Variants in NME9 observed in about 807,000 individuals in gnomAD.
NME9 encodes the protein thioredoxin domain-containing protein 6.
In NME9, 48 loss-of-function variants were observed where a neutral mutation model predicts 44.4. That is an observed-to-expected ratio of 1.08 (90% CI 0.86 to 1.37). The LOEUF is 1.37. Among genes scored for constraint, NME9 ranks in the 40% most tolerant of loss-of-function variants. NME9 has a pLI of 0.00. For synonymous variants in NME9, 139 were observed against 147.1 expected, an observed-to-expected ratio of 0.94 and a Z score of 0.40; for missense variants, 325 against 405.2, an observed-to-expected ratio of 0.80 and a Z score of 1.70.
intron 3 of NME9, among the ~76,000 whole-genome samples, chr3:138,318,487 T>C (rs1577186986): frequency 6.6e-6 from 1 of 151,912 alleles, no homozygotes; most frequent in Admixed American, 6.5e-5. Context: ...TACTGGCTAA[T>C]GTCCTTCTGC....
intron 8 of NME9, among the ~76,000 whole-genome samples, chr3:138,266,777 G>T (rs1483452292): frequency 1.3e-5 from 2 of 152,148 alleles, no homozygotes; most frequent in African/African-American, 2.4e-5. Flanking sequence ...AGAAAGTCAG[G>T]CTGTAGGACC....
chr3:138,329,130 C>T (rs1035616374), intron 1 of NME9, among the ~76,000 whole-genome samples, 173 bp downstream of exon 1: 9 of 152,186 alleles, frequency 5.9e-5, no homozygotes, highest in African/African-American at 2.2e-4. Context: ...CACTGGGGTT[C>T]CAAGATAAGT....
In NME9 at chr3:138,304,855, C is replaced by T; in HGVS notation, c.791+18G>A. ...CAGGTTTTAAGATGGATGAAAGGAC[C>T]ACAGCTGGTGACATCACCTTTCTGG... On this transcript the variant is annotated intron_variant, in intron 9 of 10. Transcript: ENST00000333911. The T allele has an allele frequency of 6.2e-7, 1 of 1,611,280 alleles. No individual in the cohort carries two copies. The highest frequency in any genetic ancestry group is 8.5e-7 in the Non-Finnish European group (1 of 1,178,446).
At chr3:138,311,495 A>G (rs979357789) in intron 6 of NME9, among the ~76,000 whole-genome samples, 9 of 152,222 alleles carry the variant, frequency 5.9e-5, no homozygotes, top group Non-Finnish European at 1.2e-4. Context: ...AGTCCTAAAC[A>G]AAATACTAAC....
chr3:138,282,635 CAAAAAAAA>C (rs760470914), intron 8 of NME9, among the ~76,000 whole-genome samples: 1 of 47,512 alleles, frequency 2.1e-5, no homozygotes, highest in African/African-American at 7.0e-5. Flanking sequence ...GACTCCATCT[CAAAAAAAA>C]AAAAAAAAAA....
intron 1 of NME9, among the ~76,000 whole-genome samples, 197 bp downstream of exon 1, chr3:138,329,106 G>C (rs548317163): frequency 5.3e-5 from 8 of 152,282 alleles, no homozygotes; most frequent in African/African-American, 1.7e-4. Flanking sequence ...TTTTGTTTGC[G>C]TAAAATTTGT....
chr3:138,316,577 A>G (rs903546464), intron 4 of NME9, among the ~76,000 whole-genome samples: 1 of 152,124 alleles, frequency 6.6e-6, no homozygotes, highest in Non-Finnish European at 1.5e-5. Flanking sequence ...GATGAACCTG[A>G]GTTTCTGCTT....
rs192764680 is a variant in NME9 at position 138,312,617 on chromosome 3, A to G, written c.460+1715T>C. On this transcript the variant is annotated intron_variant, in intron 6 of 10. Coordinates refer to ENST00000333911, the MANE Select transcript of NME9 (RefSeq NM_001349018.2). ...ACAAATACAAAATCAAAATAGATTA[A>G]AGGCATAATTCTAAGACCTGATACT... Among the ~76,000 whole-genome samples, 109 of 152,364 alleles carry G rather than the reference A, an allele frequency of 7.2e-4. 1 individual carries two copies. The highest frequency in any genetic ancestry group is 2.7e-3 in the Admixed American group (42 of 15,308).
At chr3:138,277,216 C>CA (rs920254104) in intron 8 of NME9, among the ~76,000 whole-genome samples, 1 of 151,370 alleles carries the variant, frequency 6.6e-6, no homozygotes. Context: ...GTACAAGTGC[C>CA]AAAAAAAATT....
intron 9 of NME9, among the ~76,000 whole-genome samples, chr3:138,304,277 G>A (rs1015883794): frequency 2.6e-5 from 4 of 152,208 alleles, no homozygotes; most frequent in Non-Finnish European, 5.9e-5. Flanking sequence ...TACAACTGCA[G>A]TTCCTTGGCT....
intron 8 of NME9, among the ~76,000 whole-genome samples, chr3:138,270,432 T>C (rs995909126): frequency 2.0e-5 from 3 of 152,232 alleles, no homozygotes; most frequent in African/African-American, 7.2e-5. Context: ...TATTTTTGTG[T>C]AGCGCCACCT....
chr3:138,308,109 A>G (rs1275781336), intron 6 of NME9, among the ~76,000 whole-genome samples: 1 of 152,144 alleles, frequency 6.6e-6, no homozygotes, highest in Admixed American at 6.5e-5. Context: ...TTTGGGAGGA[A>G]ATCATGGAGG....
chr3:138,303,528 T>C lies in NME9; in HGVS notation c.907A>G (p.Lys303Glu). Residue 303 changes from lysine to glutamate, a missense_variant, in exon 10 of 11, where the codon AAA (lysine) becomes GAA (glutamate). Transcript: ENST00000333911. ...LLFPSLKFSD[K>E]DTEAPQGGEA... ...TTACCCTGAGGGGCTTCTGTATCTT[T>C]GTCTGAAAATTTCAAACTGGGGAAG... 1 of 1,613,848 alleles carries C rather than the reference T, an allele frequency of 6.2e-7. No individual in the cohort carries two copies. The highest frequency in any genetic ancestry group is 8.5e-7 in the Non-Finnish European group (1 of 1,179,692).
chr3:138,306,942 C>G (rs1445058876), intron 6 of NME9, among the ~76,000 whole-genome samples: 4 of 152,200 alleles, frequency 2.6e-5, no homozygotes, highest in Non-Finnish European at 1.5e-5. Context: ...TGATTCCCAG[C>G]ACTCTACCTG....
chr3:138,327,726 C>T lies in NME9; in HGVS notation c.33+1577G>A, dbSNP rs114338447. 6.5e-3 allele frequency among the ~76,000 whole-genome samples: 990 copies of T among 152,242 alleles called. 9 individuals are homozygous for T. Among genetic ancestry groups the T allele is most frequent in the African/African-American group, 0.019 (800 of 41,528 alleles). Reference sequence around the variant, plus strand: ...TTACCTTATAGAGAGGTGACCTTTACACAGATGCCTCAGTAGAAGACGGGA... The same window carrying T: ...TTACCTTATAGAGAGGTGACCTTTATACAGATGCCTCAGTAGAAGACGGGA... On this transcript the variant is annotated intron_variant, in intron 1 of 10. Coordinates refer to ENST00000333911, the MANE Select transcript of NME9 (RefSeq NM_001349018.2).
At chr3:138,274,572 AT>A (rs1308017343) in intron 8 of NME9, 1 of 1,526,060 alleles carries the variant, frequency 6.6e-7, no homozygotes, top group Admixed American at 1.7e-5. Context: ...CTTGGGGAAT[AT>A]TTTCTGAATG....
At chr3:138,300,820 C>T (rs2051799040), downstream of NME9, among the ~76,000 whole-genome samples, 1 of 152,180 alleles carries the variant, frequency 6.6e-6, no homozygotes, top group African/African-American at 2.4e-5. Context: ...TAATGGAGAA[C>T]TGCAGATGGG....
At chr3:138,298,189 C>T (rs1560076516), downstream of NME9, 1 of 152,250 alleles carries the variant, frequency 6.6e-6, no homozygotes, top group Non-Finnish European at 1.5e-5. Flanking sequence ...CGCTCTAATA[C>T]TGCATTCTGT....
chr3:138,318,335 GC>G, intron 3 of NME9, 116 bp from the exon 4 acceptor site: 2 of 717,972 alleles, frequency 2.8e-6, no homozygotes, highest in South Asian at 3.0e-5. Flanking sequence ...CCCAGGTAGA[GC>G]CCCGATTTGC....
Sources: gnomAD v4.1 joint callset for allele counts (sites outside exome capture counted in the v4.1 genomes callset) on GRCh38, gnomAD v4.1.1 for gene constraint, MANE v1.5 for transcripts, NCBI Gene and HGNC (gene_info 2026-07-23, HGNC 2026-07-21) for gene names.